Variants in KPNA3 observed in about 807,000 individuals in gnomAD.
KPNA3 encodes importin subunit alpha-4.
KPNA3 carries 13 observed loss-of-function variants against 73.8 expected under a neutral mutation model. The ratio of observed to expected loss-of-function variants is 0.18; its 90% CI spans 0.11 to 0.28. The LOEUF (loss-of-function observed/expected upper bound fraction) is 0.28, where lower values mean the gene tolerates loss of function less well. KPNA3 is among the 10% of genes least tolerant of loss of function. KPNA3 has a pLI of 1.00. For missense variants in KPNA3, 360 were observed against 618.1 expected (o/e 0.58, Z 4.43); for synonymous variants, 186 against 206.9 (o/e 0.90, Z 0.87).
intron 1 of KPNA3, among the ~76,000 whole-genome samples, chr13:49,781,948 G>A (rs77679499): frequency 0.02 from 3,069 of 152,272 alleles, 42 homozygotes; most frequent in South Asian, 0.031. Context: ...TCAAGCCTAC[G>A]AAAGCAACTC....
intron 6 of KPNA3, among the ~76,000 whole-genome samples, chr13:49,732,097 C>T (rs890786986): frequency 6.6e-6 from 1 of 151,952 alleles, no homozygotes; most frequent in East Asian, 1.9e-4. Flanking sequence ...AATAAAAAAT[C>T]CTAATAAAGA....
chr13:49,728,551 T>C (rs1225355204), intron 6 of KPNA3, among the ~76,000 whole-genome samples: 5 of 152,226 alleles, frequency 3.3e-5, no homozygotes, highest in African/African-American at 1.2e-4. Flanking sequence ...GAAGTATTTC[T>C]TCAAGGAATT....
intron 1 of KPNA3, among the ~76,000 whole-genome samples, chr13:49,757,191 T>C (rs894423384): frequency 2.0e-5 from 3 of 152,004 alleles, no homozygotes; most frequent in South Asian, 2.1e-4. Context: ...AAACTAGACC[T>C]CATCAAAATA....
At chr13:49,784,873 T>C (rs1364586196) in intron 1 of KPNA3, among the ~76,000 whole-genome samples, 2 of 152,142 alleles carry the variant, frequency 1.3e-5, no homozygotes, top group African/African-American at 4.8e-5. Flanking sequence ...AAGCTCACAA[T>C]CTAGTAGGAA....
intron 1 of KPNA3, among the ~76,000 whole-genome samples, chr13:49,758,657 A>T (rs1954731840): frequency 6.6e-6 from 1 of 152,218 alleles, no homozygotes; most frequent in Non-Finnish European, 1.5e-5. Flanking sequence ...ATAGTCCTGA[A>T]TTTGAATTGG....
At chr13:49,706,750 CTTTTCT>C (rs1407121575) in intron 12 of KPNA3, among the ~76,000 whole-genome samples, 3 of 71,946 alleles carry the variant, frequency 4.2e-5, no homozygotes, top group African/African-American at 7.9e-5. Context: ...TTTCTTTTTT[CTTTTCT>C]TTTTTTTTTT....
At chr13:49,731,796 CA>C (rs1245544611) in intron 6 of KPNA3, among the ~76,000 whole-genome samples, 1 of 152,170 alleles carries the variant, frequency 6.6e-6, no homozygotes, top group East Asian at 1.9e-4. Flanking sequence ...GCCAGTTCCT[CA>C]AAAGATATCC....
rs1954255234 is a variant in KPNA3 at position 49,711,019 on chromosome 13, G to T, written c.775C>A (p.Leu259Ile). 1 of 1,598,224 alleles carries T rather than the reference G, an allele frequency of 6.3e-7. No individual in the cohort carries two copies. ...VLIYHTDINI[L>I]VDTVWALSYL... is the part of the protein sequence containing the mutation. ...GACAGAGCCCAAACAGTGTCTACAA[G>T]AATCTACAGGAAACACAAAAGAAAA... is the stretch of plus-strand genomic sequence containing the variant. Residue 259 changes from leucine (L) to isoleucine (I), a missense_variant, in exon 11 of 17, where the codon CTT becomes ATT. Around this residue, in one of 3 missense-constraint regions of KPNA3, gnomAD observed 287 missense variants for 549.1 expected, o/e 0.52. Coordinates refer to ENST00000261667, the MANE Select transcript of KPNA3 (RefSeq NM_002267.4).
At chr13:49,786,784 T>C (rs558177127) in intron 1 of KPNA3, among the ~76,000 whole-genome samples, 1 of 152,338 alleles carries the variant, frequency 6.6e-6, no homozygotes, top group African/African-American at 2.4e-5. Flanking sequence ...ATGTGTGGCA[T>C]GCTAAGGACT....
chr13:49,710,801 T>C (rs547784959), intron 11 of KPNA3, 90 bp downstream of exon 11: 148 of 1,146,920 alleles, frequency 1.3e-4, no homozygotes, highest in Non-Finnish European at 1.7e-4. Context: ...AGATAAGCAC[T>C]TACAGATAGA....
At chr13:49,702,592 C>T in intron 15 of KPNA3, 112 bp from the exon 16 acceptor site, 2 of 559,434 alleles carry the variant, frequency 3.6e-6, no homozygotes, top group Non-Finnish European at 6.2e-6. Context: ...ACACACTGCT[C>T]CCCCATCTAA....
At chr13:49,737,628 C>T (rs555529267) in intron 2 of KPNA3, among the ~76,000 whole-genome samples, 2 of 150,398 alleles carry the variant, frequency 1.3e-5, no homozygotes, top group East Asian at 3.9e-4. Context: ...CCAGGGGTCT[C>T]ACTATGTTGC....
intron 1 of KPNA3, among the ~76,000 whole-genome samples, chr13:49,764,597 C>G (rs1165869222): frequency 6.6e-6 from 1 of 152,152 alleles, no homozygotes; most frequent in East Asian, 1.9e-4. Flanking sequence ...CTCCTTTCAT[C>G]CTATCACAAT....
intron 2 of KPNA3, among the ~76,000 whole-genome samples, chr13:49,733,936 T>C (rs535212922): frequency 7.2e-5 from 11 of 152,310 alleles, no homozygotes; most frequent in African/African-American, 2.2e-4. Context: ...CAGAAAACAG[T>C]TGAACTGGCC....
chr13:49,778,997 T>C (rs1397997037), intron 1 of KPNA3, among the ~76,000 whole-genome samples: 1 of 152,188 alleles, frequency 6.6e-6, no homozygotes, highest in Admixed American at 6.6e-5. Flanking sequence ...GGTTACCAAC[T>C]AGATGAGTGG....
At position 49,792,667 on chromosome 13, in the gene KPNA3, G is replaced by T. The variant is rs777436194; in HGVS notation, c.-161C>A. The T allele has an allele frequency of 8.8e-5, 45 of 514,148 alleles. No individual in the cohort carries two copies. Among genetic ancestry groups the T allele is most frequent in the South Asian group, 1.3e-4 (6 of 46,610 alleles). 31.8% of individuals were successfully genotyped at this position (514,148 alleles called of 1,614,324 possible). ...GCGCGAGGTGGCAGTAGCGCCGGGG[G>T]AGGCGCGGGCCGACTGCCGGGCCGG... is the stretch of plus-strand genomic sequence containing the variant. On this transcript the variant is annotated 5_prime_UTR_variant, in exon 1 of 17. Coordinates refer to ENST00000261667, the MANE Select transcript of KPNA3 (RefSeq NM_002267.4).
chr13:49,736,297 TTTATAAG>T (rs1478564180), intron 2 of KPNA3, among the ~76,000 whole-genome samples: 2 of 152,154 alleles, frequency 1.3e-5, no homozygotes, highest in African/African-American at 4.8e-5. Context: ...ACCCACAAGT[TTTATAAG>T]TTATATTTAT....
intron 1 of KPNA3, among the ~76,000 whole-genome samples, chr13:49,764,009 G>C (rs1256188630): frequency 6.6e-6 from 1 of 150,728 alleles, no homozygotes; most frequent in Non-Finnish European, 1.5e-5. Context: ...TGAGGCTGTG[G>C]TGAGCTGTGA....
chr13:49,733,532 G>A (rs961617092), intron 2 of KPNA3, among the ~76,000 whole-genome samples: 4 of 152,072 alleles, frequency 2.6e-5, no homozygotes, highest in Non-Finnish European at 5.9e-5. Context: ...CAAGTGATCC[G>A]CTTGCCGCGG....
Sources: allele counts gnomAD v4.1 joint callset (sites outside exome capture counted in the v4.1 genomes callset), GRCh38; gene constraint gnomAD v4.1.1; regional missense constraint gnomAD v4.1.1; transcripts MANE v1.5; gene names NCBI Gene and HGNC (gene_info 2026-07-23, HGNC 2026-07-21).